Variants in ADAM12 observed in about 807,000 individuals in gnomAD.
ADAM12 encodes the protein disintegrin and metalloproteinase domain-containing protein 12.
A neutral mutation model predicts 106.4 loss-of-function variants in ADAM12; 70 were observed. The observed-to-expected ratio is 0.66, with a 90% confidence interval of 0.54 to 0.80. The LOEUF is 0.80. ADAM12 is among the 30% of genes least tolerant of loss of function. The probability of loss-of-function intolerance (pLI) is 0.00; values close to 1 mark genes in which losing one functional copy is unlikely to be tolerated. For missense variants in ADAM12, 1,010 were observed against 1,171.9 expected (o/e 0.86, Z 2.02); for synonymous variants, 420 against 433.5 (o/e 0.97, Z 0.39).
At chr10:126,317,559 T>C (rs572871264) in intron 2 of ADAM12, among the ~76,000 whole-genome samples, 1 of 152,202 alleles carries the variant, frequency 6.6e-6, no homozygotes, top group South Asian at 2.1e-4. Flanking sequence ...ATGCAAGGAA[T>C]GTGAAATACC....
rs189304303 is a variant in ADAM12, at chr10:126,369,595, G to A, written c.88+18463C>T. ...AGGCAATGAAGACACTGCAGTAAAA[G>A]GACATGAAACAGCTAAGCAACAAAA... On this transcript the variant is annotated intron_variant, in intron 1 of 22. Transcript: ENST00000448723. 6.6e-5 allele frequency among the ~76,000 whole-genome samples: 10 copies of A among 152,234 alleles called. No homozygotes were observed. The East Asian group carries it at 1.9e-3, about 30-fold the overall frequency.
At chr10:126,175,528 T>C (rs1565116428) in intron 3 of ADAM12, among the ~76,000 whole-genome samples, 1 of 152,250 alleles carries the variant, frequency 6.6e-6, no homozygotes, top group Non-Finnish European at 1.5e-5. Context: ...ATTTTCCTTT[T>C]TCTGTGTACA....
chr10:126,371,813 A>T (rs1254389221), intron 1 of ADAM12, among the ~76,000 whole-genome samples: 2 of 152,092 alleles, frequency 1.3e-5, no homozygotes, highest in African/African-American at 2.4e-5. Context: ...TCCCTCCCAC[A>T]TCTCTTTCTC....
At chr10:126,292,296 G>A (rs1410875045) in intron 2 of ADAM12, among the ~76,000 whole-genome samples, 4 of 151,876 alleles carry the variant, frequency 2.6e-5, no homozygotes, top group African/African-American at 9.7e-5. Flanking sequence ...GCTCCCATTG[G>A]TACCCTCTTC....
At position 126,064,968 on chromosome 10, in the gene ADAM12, TG is replaced by T. The variant is rs1358955277; in HGVS notation, c.1446del (p.Ser483AlafsTer90). Reference protein sequence around the residue: ...LKPAGTACRDSSNSCDLPEFC... With the variant: ...LKPAGTACRDXSNSCDLPEFC... ...AACTCTGGGAGGTCACAGGAGTTGCTGGAGTCCCTGCACGCTGTTCCTGCAG... is the reference window on the plus strand; with the variant it reads ...AACTCTGGGAGGTCACAGGAGTTGCTGAGTCCCTGCACGCTGTTCCTGCAG... On this transcript the variant is annotated frameshift_variant, in exon 14 of 23. Transcript: ENST00000448723. LOFTEE classifies it high-confidence loss of function. The surrounding 1 kb of genome is among the most constrained non-coding windows in gnomAD (Gnocchi z 4.4). 6.2e-7 allele frequency: 1 copy of T among 1,612,588 alleles called. No individual in the cohort carries two copies. The highest frequency in any genetic ancestry group is 1.3e-5 in the African/African-American group (1 of 74,896).
chr10:126,049,967 C>T lies in ADAM12; in HGVS notation c.1610-298G>A, dbSNP rs529661557. On this transcript the variant is annotated intron_variant, in intron 14 of 22. Coordinates refer to ENST00000448723, the MANE Select transcript of ADAM12 (RefSeq NM_001288973.2). This position sits in a 1 kb window ranked among gnomAD's most constrained non-coding sequence, Gnocchi z 4.4. ...ATGAGGCCTGGCTGTGGAATGAGAT[C>T]TGATCCAGGGCAGAAAGGAGGTGGC... Among the ~76,000 whole-genome samples, 1 of 149,624 alleles carries T rather than the reference C, an allele frequency of 6.7e-6. No homozygotes were observed. Among genetic ancestry groups the T allele is most frequent in the Non-Finnish European group, 1.5e-5 (1 of 67,390 alleles).
At chr10:126,236,236 GC>G (rs1958412775) in intron 3 of ADAM12, among the ~76,000 whole-genome samples, 1 of 152,246 alleles carries the variant, frequency 6.6e-6, no homozygotes. Flanking sequence ...CCAGAGCTAT[GC>G]CCAGGTGGCA....
At chr10:126,217,332 T>G (rs981433851) in intron 3 of ADAM12, among the ~76,000 whole-genome samples, 1 of 151,718 alleles carries the variant, frequency 6.6e-6, no homozygotes, top group Admixed American at 6.6e-5. Context: ...ATTTATGAAG[T>G]TATCATAGGA....
chr10:126,138,198 C>T (rs1284633932), intron 4 of ADAM12, among the ~76,000 whole-genome samples: 1 of 152,080 alleles, frequency 6.6e-6, no homozygotes, highest in Non-Finnish European at 1.5e-5. Flanking sequence ...TTTATGTCTT[C>T]TTTGAAGAAA....
At chr10:126,044,270 T>G in intron 17 of ADAM12, among the ~76,000 whole-genome samples, 1 of 146,652 alleles carries the variant, frequency 6.8e-6, no homozygotes. Flanking sequence ...ACCCTGTCTT[T>G]ATAAAGATAA....
intron 3 of ADAM12, among the ~76,000 whole-genome samples, chr10:126,262,706 T>C (rs1959025062): frequency 6.6e-6 from 1 of 152,248 alleles, no homozygotes; most frequent in Non-Finnish European, 1.5e-5. Context: ...AGTGCCTTTC[T>C]TCTATCATAA....
chr10:126,094,165 A>C (rs1590399874), intron 10 of ADAM12, 32 bp from the exon 11 acceptor site: 1 of 1,602,192 alleles, frequency 6.2e-7, no homozygotes, highest in Non-Finnish European at 8.5e-7. Context: ...CAGGTGTATA[A>C]TTCATATCTC....
intron 1 of ADAM12, among the ~76,000 whole-genome samples, chr10:126,372,962 C>T (rs1452084667): frequency 6.6e-6 from 1 of 152,218 alleles, no homozygotes; most frequent in Non-Finnish European, 1.5e-5. Flanking sequence ...ACTCTCCCTA[C>T]TAAGAAACTG....
Position 126,354,432 on chromosome 10 carries a change from G to T in ADAM12, c.89-23923C>A, listed in dbSNP as rs187891134. Among the ~76,000 whole-genome samples the T allele has an allele frequency of 1.1e-4, 15 of 131,588 alleles. No individual in the cohort carries two copies. The Admixed American group carries it at 1.2e-3, about 10-fold the overall frequency. 86.3% of individuals were successfully genotyped at this position (131,588 alleles called of 152,430 possible). A position where few individuals can be genotyped will look rare whatever the true frequency, so the allele number is the denominator to read the frequency against. ...GAGGATTCAGAAGTTACTGCACATG[G>T]TATCTGGCATGCAGTAGAACGTCTG... On this transcript the variant is annotated intron_variant, in intron 1 of 22. Coordinates refer to ENST00000448723, the MANE Select transcript of ADAM12 (RefSeq NM_001288973.2).
chr10:126,135,657 G>A lies in ADAM12; in HGVS notation c.343C>T (p.His115Tyr), dbSNP rs1357321242. 1 of 1,613,838 alleles carries A rather than the reference G, an allele frequency of 6.2e-7. No individual in the cohort carries two copies. The highest frequency in any genetic ancestry group is 1.1e-5 in the South Asian group (1 of 91,068). Residue 115 changes from histidine to tyrosine, a missense_variant, in exon 5 of 23, where the codon CAC becomes TAC. His to Tyr is a moderately conservative substitution (Grantham distance 83, BLOSUM62 2). Around this residue, in one of 3 missense-constraint regions of ADAM12, gnomAD observed 391 missense variants for 442.9 expected, o/e 0.88. Coordinates refer to ENST00000448723, the MANE Select transcript of ADAM12 (RefSeq NM_001288973.2). ...DVSLARNYTG[H>Y]CYYHGHVRGY... ...CGTACATGTCCATGGTAGTAACAGT[G>A]ACCCTAAAGGGGAGGAGGAGAGAAT...
Position 126,017,335 on chromosome 10 carries a change from C to G in ADAM12, c.2665G>C (p.Ala889Pro), listed in dbSNP as rs1049894846. ...GGCACTTGGTGTGGATATTGTGGAG[C>G]AGGTCTGAATGAAGAGAGGAGAAAA... is the stretch of plus-strand genomic sequence containing the variant. ...TGLRLAPLRP[A>P]PQYPHQVPRS... Residue 889 changes from alanine to proline, a missense_variant, in exon 23 of 23, where the codon GCT becomes CCT. Physicochemically the swap from Ala to Pro is conservative, Grantham distance 27. Transcript: ENST00000448723. The G allele has an allele frequency of 1.9e-6, 3 of 1,583,202 alleles. No individual in the cohort carries two copies. The highest frequency in any genetic ancestry group is 2.6e-6 in the Non-Finnish European group (3 of 1,163,470).
intron 4 of ADAM12, among the ~76,000 whole-genome samples, chr10:126,137,231 A>G (rs1174726741): frequency 1.3e-5 from 2 of 152,122 alleles, no homozygotes; most frequent in Admixed American, 1.3e-4. Context: ...GGCCCACAGT[A>G]TGTTTGTGGT....
intron 5 of ADAM12, 102 bp from the exon 6 acceptor site, chr10:126,118,326 A>G (rs973062878): frequency 8.7e-6 from 7 of 800,518 alleles, no homozygotes; most frequent in Non-Finnish European, 1.1e-5. Context: ...AAACAGAAAC[A>G]CCAATTTACT....
chr10:126,056,007 T>C (rs1185686845), intron 14 of ADAM12, among the ~76,000 whole-genome samples: 2 of 152,202 alleles, frequency 1.3e-5, no homozygotes, highest in Non-Finnish European at 2.9e-5. Flanking sequence ...GTAGAATGAC[T>C]TGGAAACCTC....
Sources: gnomAD v4.1 joint callset for allele counts (sites outside exome capture counted in the v4.1 genomes callset) on GRCh38, gnomAD v4.1.1 for gene constraint, gnomAD v4.1.1 regional missense constraint, Gnocchi (gnomAD v3.1) non-coding constraint, MANE v1.5 for transcripts, NCBI Gene and HGNC (gene_info 2026-07-23, HGNC 2026-07-21) for gene names.